The following HAUS5 variants were observed in gnomAD, a reference collection of about 807,000 sequenced individuals.
The protein encoded by HAUS5 is HAUS augmin-like complex subunit 5.
HAUS5 carries 67 observed loss-of-function variants against 94.1 expected under a neutral mutation model. That is an observed-to-expected ratio of 0.71 (90% CI 0.58 to 0.87). The LOEUF (loss-of-function observed/expected upper bound fraction) is 0.87. Ranked by LOEUF, HAUS5 falls within the 40% of genes least tolerant of loss-of-function variation. The pLI is 0.00. For missense variants in HAUS5, 739 were observed against 825.6 expected, an observed-to-expected ratio of 0.90 and a Z score of 1.29; for synonymous variants, 339 against 355.4, an observed-to-expected ratio of 0.95 and a Z score of 0.52.
In HAUS5 at chr19:35,619,598, T is replaced by TTCC; in HGVS notation, c.1261-15_1261-14insTCC. Reference sequence around the variant, plus strand: ...GATGTTGTGATGCCCCACCCACCCCTCCCCTTCCCCACAGGTGCTAGCTCT... The same window carrying TTCC: ...GATGTTGTGATGCCCCACCCACCCCTTCCCCCCTTCCCCACAGGTGCTAGCTCT... On this transcript the variant is annotated splice_polypyrimidine_tract_variant and intron_variant, in intron 14 of 18. Transcript: ENST00000203166. 1 of 583,436 alleles carries TTCC rather than the reference T, an allele frequency of 1.7e-6. No homozygotes were observed. Among genetic ancestry groups the TTCC allele is most frequent in the South Asian group, 2.1e-5 (1 of 48,768 alleles). The allele number at this position is 583,436 out of a possible 1,614,324, so 36.1% of individuals were successfully genotyped here.
chr19:35,622,666 A>G lies in HAUS5; in HGVS notation c.1717A>G (p.Arg573Gly), dbSNP rs755738924. ...QKENLGQALKRLEKLLKQALE... is the reference protein window; with the variant it reads ...QKENLGQALKGLEKLLKQALE... ...AGAGAACCTGGGGCAGGCTCTGAAG[A>G]GGCTGGAGAAGCTACTGAAACAGGC... The change falls in exon 18 of 19, where the codon AGG becomes GGG. Residue 573 changes from arginine (R) to glycine (G), a missense_variant. Coordinates refer to ENST00000203166, the MANE Select transcript of HAUS5 (RefSeq NM_015302.2). 5.6e-6 allele frequency: 9 copies of G among 1,613,872 alleles called. No individual in the cohort carries two copies. The highest frequency in any genetic ancestry group is 5.5e-5 in the South Asian group (5 of 91,088).
intron 17 of HAUS5, among the ~76,000 whole-genome samples, chr19:35,621,124 T>G (rs1230758126): frequency 6.6e-6 from 1 of 152,090 alleles, no homozygotes; most frequent in African/African-American, 2.4e-5. Context: ...GATAAATACA[T>G]GGAAGAGGAG....
chr19:35,616,959 A>G (rs2071948815), intron 6 of HAUS5, among the ~76,000 whole-genome samples, 165 bp from the exon 7 acceptor site: 1 of 152,178 alleles, frequency 6.6e-6, no homozygotes, highest in Non-Finnish European at 1.5e-5. Context: ...TGGGGAGGCT[A>G]ATGCAATATT....
rs762335617 is a variant in HAUS5 at position 35,618,905 on chromosome 19, G to GCTT, written c.1037_1039dup (p.Leu346dup). The stretch of plus-strand genomic sequence containing the variant: ...CCTGCAGGCAGGTGCTGATACTGGG[G>GCTT]CTTCGGCGCTGTTGCCTGTGGACGG... On this transcript the variant is annotated inframe_insertion, in exon 13 of 19. Coordinates refer to ENST00000203166, the MANE Select transcript of HAUS5 (RefSeq NM_015302.2). 1 of 1,608,952 alleles carries GCTT rather than the reference G, an allele frequency of 6.2e-7. No homozygotes were observed. Among genetic ancestry groups the GCTT allele is most frequent in the African/African-American group, 1.3e-5 (1 of 74,818 alleles).
In HAUS5 at chr19:35,618,173, C is replaced by T. The variant is rs764997781; in HGVS notation, c.799C>T (p.Leu267Phe). 1.9e-6 allele frequency: 3 copies of T among 1,605,528 alleles called. No homozygotes were observed. The highest frequency in any genetic ancestry group is 2.6e-6 in the Non-Finnish European group (3 of 1,174,430). Residue 267 changes from leucine to phenylalanine, a missense_variant, in exon 10 of 19, where the codon CTT becomes TTT. Coordinates refer to ENST00000203166, the MANE Select transcript of HAUS5 (RefSeq NM_015302.2). ...EIRSLCSGDG[L>F]GDTEISRPQA... is the part of the protein sequence containing the mutation. ...TCGGTCCCTGTGCAGTGGGGATGGGCTTGGCGACACAGAGATATCCAGGTG... is the reference window on the plus strand; with the variant it reads ...TCGGTCCCTGTGCAGTGGGGATGGGTTTGGCGACACAGAGATATCCAGGTG...
chr19:35,616,835 G>A (rs559109403), intron 6 of HAUS5, among the ~76,000 whole-genome samples: 17 of 152,238 alleles, frequency 1.1e-4, no homozygotes, highest in African/African-American at 3.9e-4. Context: ...TTCTGAATGC[G>A]CTGGGGAAAC....
At chr19:35,614,343 G>A in intron 4 of HAUS5, 1 of 469,580 alleles carries the variant, frequency 2.1e-6, no homozygotes, top group Non-Finnish European at 3.9e-6. Flanking sequence ...CTGGGACAAA[G>A]ATGTGGTTTG....
Position 35,618,910 on chromosome 19 carries a change from G to A in HAUS5, c.1040G>A (p.Arg347Gln), listed in dbSNP as rs753222747. The A allele has an allele frequency of 1.2e-5, 19 of 1,609,670 alleles. No homozygotes were observed. The highest frequency in any genetic ancestry group is 6.7e-5 in the African/African-American group (5 of 74,656). The change falls in exon 13 of 19, where the codon CGG becomes CAG. Residue 347 changes from arginine to glutamine, a missense_variant. Transcript: ENST00000203166. ...SERQVLILGL[R>Q]RCCLWTELKA... ...AGGCAGGTGCTGATACTGGGGCTTCGGCGCTGTTGCCTGTGGACGGAGCTC... is the reference window on the plus strand; with the variant it reads ...AGGCAGGTGCTGATACTGGGGCTTCAGCGCTGTTGCCTGTGGACGGAGCTC...
At chr19:35,614,992 C>A in intron 4 of HAUS5, 50 bp from the exon 5 acceptor site, 1 of 1,406,898 alleles carries the variant, frequency 7.1e-7, no homozygotes, top group Non-Finnish European at 9.8e-7. Flanking sequence ...AAAAGACAGG[C>A]CAGGCTGAGC....
At chr19:35,617,246 G>C (rs2071951790) in intron 7 of HAUS5, 41 bp from the exon 8 acceptor site, 1 of 1,607,478 alleles carries the variant, frequency 6.2e-7, no homozygotes, top group Non-Finnish European at 8.5e-7. Context: ...TCAGGCAGAT[G>C]CTAGGGTCCC....
At chr19:35,613,571 A>T (rs1599592789) in intron 1 of HAUS5, 159 bp from the exon 2 acceptor site, 13 of 43,880 alleles carry the variant, frequency 3.0e-4, no homozygotes, top group South Asian at 1.7e-3. Context: ...ACTGTCTCTT[A>T]AAAAAAAAAA....
chr19:35,616,704 G>GTTTAGT (rs1383235375), intron 6 of HAUS5, among the ~76,000 whole-genome samples: 2 of 152,146 alleles, frequency 1.3e-5, no homozygotes, highest in East Asian at 1.9e-4. Context: ...TTTTAGTAGA[G>GTTTAGT]ACGGGGTTTC....
rs771167240 is a variant in HAUS5, at chr19:35,612,904, T to TCCTGGAGTGAGGACACCCCAC, written c.98+20_98+40dup. The TCCTGGAGTGAGGACACCCCAC allele has an allele frequency of 6.6e-7, 1 of 1,504,958 alleles. No individual in the cohort carries two copies. Among genetic ancestry groups the TCCTGGAGTGAGGACACCCCAC allele is most frequent in the African/African-American group, 1.4e-5 (1 of 70,330 alleles). 93.2% of individuals were successfully genotyped at this position (1,504,958 alleles called of 1,614,324 possible). Reference sequence around the variant, plus strand: ...TCGACGCTGCGCAGGTGAGGACCGCTCCTGGAGTGAGGACACCCCACCCTG... The same window carrying TCCTGGAGTGAGGACACCCCAC: ...TCGACGCTGCGCAGGTGAGGACCGCTCCTGGAGTGAGGACACCCCACCCTGGAGTGAGGACACCCCACCCTG... On this transcript the variant is annotated intron_variant, in intron 1 of 18. Coordinates refer to ENST00000203166, the MANE Select transcript of HAUS5 (RefSeq NM_015302.2).
rs765047568 is a variant in HAUS5 at position 35,618,633 on chromosome 19, T to C, written c.950T>C (p.Val317Ala). The C allele has an allele frequency of 1.9e-6, 3 of 1,608,252 alleles. No individual in the cohort carries two copies. Among genetic ancestry groups the C allele is most frequent in the East Asian group, 4.5e-5 (2 of 44,696 alleles). ...AGCACCCTCCTGAAGGAGCGGCAAGTCTTGACCCAGCGCCTCCAGGGCCTG... is the reference window on the plus strand; with the variant it reads ...AGCACCCTCCTGAAGGAGCGGCAAGCCTTGACCCAGCGCCTCCAGGGCCTG... ...QRSTLLKERQ[V>A]LTQRLQGLVE... The change falls in exon 12 of 19, where the codon GTC (valine) becomes GCC (alanine). Residue 317 changes from valine (V) to alanine (A), a missense_variant. Coordinates refer to ENST00000203166, the MANE Select transcript of HAUS5 (RefSeq NM_015302.2).
At chr19:35,616,782 C>T (rs576646139) in intron 6 of HAUS5, among the ~76,000 whole-genome samples, 3 of 152,158 alleles carry the variant, frequency 2.0e-5, no homozygotes, top group Non-Finnish European at 4.4e-5. Context: ...CCTCCCAAAG[C>T]GCTGGGGTAC....
In HAUS5 at chr19:35,615,259, CAA is replaced by C. The variant is rs984997675; in HGVS notation, c.359_360del (p.Gln120ArgfsTer67). On this transcript the variant is annotated frameshift_variant, in exon 6 of 19. Coordinates refer to ENST00000203166, the MANE Select transcript of HAUS5 (RefSeq NM_015302.2). LOFTEE classifies it high-confidence loss of function. ...CATGGAGCAGGCACGTCAGCACACT[CAA>C]GACACCCAGCGTCGAGCTCTCCTCC... is the stretch of plus-strand genomic sequence containing the variant. ...TAMEQARQHT[Q>X]DTQRRALLLR... The C allele has an allele frequency of 2.5e-6, 4 of 1,613,980 alleles. No individual in the cohort carries two copies. In the African/African-American group the frequency reaches 4.0e-5, roughly 16 times the overall value.
intron 1 of HAUS5, 40 bp downstream of exon 1, chr19:35,612,932 G>C (rs767749417): frequency 3.7e-6 from 5 of 1,360,680 alleles, no homozygotes; most frequent in East Asian, 5.5e-5. Flanking sequence ...CCACCCTGGA[G>C]ATTGAGTCTC....
Position 35,624,639 on chromosome 19 carries a change from A to G in HAUS5, c.*1646A>G, listed in dbSNP as rs937903342. On this transcript the variant is annotated 3_prime_UTR_variant, in exon 19 of 19. Transcript: ENST00000203166. ...TGGCTAATATTTGTATTTTTTGTAG[A>G]GTCGGAGCTTTACCATGTTGGTCAG... The G allele has an allele frequency of 3.9e-5, 6 of 151,918 alleles. No individual in the cohort carries two copies. The highest frequency in any genetic ancestry group is 1.3e-4 in the Admixed American group (2 of 15,218). The allele number at this position is 151,918 out of a possible 1,614,324, so 9.4% of individuals were successfully genotyped here.
chr19:35,623,449 A>T lies in HAUS5; in HGVS notation c.*456A>T, dbSNP rs1054462937. ...ACACTGCCCAGGTCGTGCTCCGTCAAGGGGTGAGCAGGAGCAACAGGGGTG... is the reference window on the plus strand; with the variant it reads ...ACACTGCCCAGGTCGTGCTCCGTCATGGGGTGAGCAGGAGCAACAGGGGTG... On this transcript the variant is annotated 3_prime_UTR_variant, in exon 19 of 19. Coordinates refer to ENST00000203166, the MANE Select transcript of HAUS5 (RefSeq NM_015302.2). 6.1e-6 allele frequency: 1 copy of T among 164,932 alleles called. No homozygotes were observed. Among genetic ancestry groups the T allele is most frequent in the African/African-American group, 2.4e-5 (1 of 41,496 alleles). The allele number at this position is 164,932 out of a possible 1,614,324, so 10.2% of individuals were successfully genotyped here. A position where few individuals can be genotyped will look rare whatever the true frequency, so the allele number is the denominator to read the frequency against.
Sources: gnomAD v4.1 joint callset for allele counts (sites outside exome capture counted in the v4.1 genomes callset) on GRCh38, gnomAD v4.1.1 for gene constraint, MANE v1.5 for transcripts, NCBI Gene and HGNC (gene_info 2026-07-23, HGNC 2026-07-21) for gene names.